PLPP1: variants seen among roughly 807,000 people sequenced by gnomAD.
PLPP1 encodes the protein lipid phosphate phosphohydrolase 1a.
Under a neutral mutation model 31.2 loss-of-function variants are expected in PLPP1, and 24 were observed. That is an observed-to-expected ratio of 0.77 (90% CI 0.56 to 1.08). The LOEUF is 1.08. Ranked by LOEUF, PLPP1 falls within the 50% of genes least tolerant of loss-of-function variation. PLPP1 has a pLI of 0.00. For missense variants in PLPP1, 319 were observed against 342.7 expected (o/e 0.93, Z 0.55); for synonymous variants, 146 against 126.3 (o/e 1.16, Z -1.05).
intron 1 of PLPP1, among the ~76,000 whole-genome samples, chr5:55,494,559 T>G (rs1444777126): frequency 6.6e-6 from 1 of 152,174 alleles, no homozygotes; most frequent in Non-Finnish European, 1.5e-5. Context: ...CCAATCACAC[T>G]GAACCACTTG....
At chr5:55,525,538 G>A (rs1740396913) in intron 1 of PLPP1, among the ~76,000 whole-genome samples, 1 of 152,148 alleles carries the variant, frequency 6.6e-6, no homozygotes, top group Non-Finnish European at 1.5e-5. Flanking sequence ...GTCTCACGAT[G>A]TTGCCCAGGC....
intron 1 of PLPP1, among the ~76,000 whole-genome samples, chr5:55,520,428 T>C (rs1432240006): frequency 1.3e-5 from 2 of 152,228 alleles, no homozygotes; most frequent in East Asian, 1.9e-4. Flanking sequence ...TGGTACCAAA[T>C]TGGCTTATTA....
At chr5:55,481,995 T>A (rs115613985) in intron 1 of PLPP1, among the ~76,000 whole-genome samples, 41,568 of 148,222 alleles carry the variant, frequency 0.28, 7,192 homozygotes, top group Non-Finnish European at 0.38. Flanking sequence ...TACATATATA[T>A]ATTTTTATTT....
chr5:55,436,034 AAACTT>A (rs1751486059), intron 4 of PLPP1, among the ~76,000 whole-genome samples: 1 of 151,670 alleles, frequency 6.6e-6, no homozygotes, highest in Non-Finnish European at 1.5e-5. Context: ...AAAAAAAAAA[AAACTT>A]CTTAGCCGGG....
rs1561253170 is a variant in PLPP1, at chr5:55,512,520, GAAA to G, written c.58+22049_58+22051del. 6.2e-3 allele frequency among the ~76,000 whole-genome samples: 45 copies of G among 7,286 alleles called. 3 individuals are homozygous for G. Among genetic ancestry groups the G allele is most frequent in the African/African-American group, 0.014 (44 of 3,194 alleles). 4.8% of individuals were successfully genotyped at this position (7,286 alleles called of 152,430 possible). A position where few individuals can be genotyped will look rare whatever the true frequency, so the allele number is the denominator to read the frequency against. The stretch of plus-strand genomic sequence containing the variant: ...AGAAAAGAAAAGAAAAGAAAAGAAA[GAAA>G]GAAAGAAAGAAAGAAAGAAAGAAAG... On this transcript the variant is annotated intron_variant, in intron 1 of 5. Transcript: ENST00000307259.
chr5:55,465,337 G>A (rs927332203), intron 3 of PLPP1, among the ~76,000 whole-genome samples: 10 of 152,050 alleles, frequency 6.6e-5, no homozygotes, highest in African/African-American at 2.2e-4. Context: ...GAGCCACCAC[G>A]CCAGCCGTAC....
chr5:55,530,559 T>C (rs1216023192), intron 1 of PLPP1: 3 of 1,261,904 alleles, frequency 2.4e-6, no homozygotes, highest in East Asian at 4.6e-5. Context: ...AGAAACATCA[T>C]ATTCATCCTG....
intron 3 of PLPP1, among the ~76,000 whole-genome samples, chr5:55,458,706 G>C (rs1752076355): frequency 6.6e-6 from 1 of 151,626 alleles, no homozygotes; most frequent in Non-Finnish European, 1.5e-5. Flanking sequence ...TGTCCAACAT[G>C]GTGAAACCCC....
chr5:55,429,313 GTAGATAAATCACACTTTGAA>G (rs1178493619), intron 4 of PLPP1, among the ~76,000 whole-genome samples: 3 of 151,944 alleles, frequency 2.0e-5, no homozygotes, highest in Non-Finnish European at 4.4e-5. Context: ...CAAAACAGTA[GTAGATAAATCACACTTTGAA>G]TAGATCACCT....
intron 1 of PLPP1, chr5:55,530,319 C>G: frequency 6.9e-7 from 1 of 1,456,152 alleles, no homozygotes; most frequent in Non-Finnish European, 9.6e-7. Flanking sequence ...AAGAGATACA[C>G]AAATAGGACA....
At chr5:55,429,082 TG>T (rs1208512892) in intron 4 of PLPP1, among the ~76,000 whole-genome samples, 2 of 152,180 alleles carry the variant, frequency 1.3e-5, no homozygotes, top group African/African-American at 4.8e-5. Flanking sequence ...GGCTGTATTT[TG>T]TCTCTGGAAT....
intron 3 of PLPP1, among the ~76,000 whole-genome samples, chr5:55,457,928 C>T (rs1340489993): frequency 6.6e-6 from 1 of 151,752 alleles, no homozygotes; most frequent in African/African-American, 2.4e-5. Flanking sequence ...ATTTTCTAGA[C>T]TTTAGGTACA....
At chr5:55,486,288 T>C (rs773035237) in intron 1 of PLPP1, among the ~76,000 whole-genome samples, 86 of 152,276 alleles carry the variant, frequency 5.6e-4, no homozygotes, top group Admixed American at 1.3e-3. Flanking sequence ...CACTAAGTTA[T>C]AAAATATATA....
At chr5:55,483,486 A>G (rs1259698647) in intron 1 of PLPP1, among the ~76,000 whole-genome samples, 1 of 152,104 alleles carries the variant, frequency 6.6e-6, no homozygotes, top group Non-Finnish European at 1.5e-5. Context: ...AGCCTGGCCA[A>G]TGTAGTGAAA....
chr5:55,436,702 G>C (rs1751501423), intron 4 of PLPP1, among the ~76,000 whole-genome samples: 1 of 152,090 alleles, frequency 6.6e-6, no homozygotes. Context: ...AGCCACATCA[G>C]GAACAAATTA....
At chr5:55,526,850 T>A (rs1382787389) in intron 1 of PLPP1, among the ~76,000 whole-genome samples, 5 of 138,566 alleles carry the variant, frequency 3.6e-5, no homozygotes, top group African/African-American at 1.1e-4. Flanking sequence ...GAGAATGGCG[T>A]GAACCTGGGA....
In PLPP1 at chr5:55,443,192, A is replaced by AAAAAAAAAAAAAAATATATAT; in HGVS notation, c.492-1285_492-1284insATATATATTTTTTTTTTTTTT. Among the ~76,000 whole-genome samples the AAAAAAAAAAAAAAATATATAT allele has an allele frequency of 2.0e-3, 50 of 25,368 alleles. 1 individual carries two copies. Among genetic ancestry groups the AAAAAAAAAAAAAAATATATAT allele is most frequent in the East Asian group, 3.0e-3 (4 of 1,326 alleles). The allele number at this position is 25,368 out of a possible 152,430, so 16.6% of individuals were successfully genotyped here. A position where few individuals can be genotyped will look rare whatever the true frequency, so the allele number is the denominator to read the frequency against. On this transcript the variant is annotated intron_variant, in intron 3 of 5. Coordinates refer to ENST00000307259, the MANE Select transcript of PLPP1 (RefSeq NM_003711.4). The stretch of plus-strand genomic sequence containing the variant: ...AAGGATTACTTAAAAAAAAAAAAAA[A>AAAAAAAAAAAAAAATATATAT]ATATATATATATATATATATACACA...
At chr5:55,475,033 G>A (rs985573959) in intron 2 of PLPP1, among the ~76,000 whole-genome samples, 18 of 151,758 alleles carry the variant, frequency 1.2e-4, no homozygotes, top group South Asian at 8.3e-4. Context: ...ATCCAACTCC[G>A]AGACTCAAGC....
At chr5:55,428,215 G>A (rs774232574) in intron 4 of PLPP1, among the ~76,000 whole-genome samples, 1 of 152,196 alleles carries the variant, frequency 6.6e-6, no homozygotes, top group African/African-American at 2.4e-5. Flanking sequence ...TTATTTCACC[G>A]TGAGAATTCT....
Sources: allele counts gnomAD v4.1 joint callset (sites outside exome capture counted in the v4.1 genomes callset), GRCh38; gene constraint gnomAD v4.1.1; transcripts MANE v1.5; gene names NCBI Gene and HGNC (gene_info 2026-07-23, HGNC 2026-07-21).